The following LRRC75A variants were observed in gnomAD, a reference collection of about 807,000 sequenced individuals.
The protein encoded by LRRC75A is leucine-rich repeat-containing protein 75A.
Under a neutral mutation model 26.0 loss-of-function variants are expected in LRRC75A, and 12 were observed. The ratio of observed to expected loss-of-function variants is 0.46; its 90% CI spans 0.30 to 0.75. LRRC75A has a LOEUF of 0.75. Among genes scored for constraint, LRRC75A ranks in the 30% least tolerant of loss-of-function variants. The pLI is 0.08. For synonymous variants in LRRC75A, 223 were observed against 219.3 expected (o/e 1.02, Z -0.15); for missense variants, 410 against 486.6 (o/e 0.84, Z 1.48).
In LRRC75A at chr17:16,443,833, T is replaced by G. The variant is rs768665612; in HGVS notation, c.790A>C (p.Thr264Pro). Residue 264 changes from threonine (T) to proline (P), a missense_variant, in exon 4 of 4, where the codon ACG becomes CCG. Physicochemically the swap from Thr to Pro is conservative, Grantham distance 38. Coordinates refer to ENST00000470794, the MANE Select transcript of LRRC75A (RefSeq NM_001113567.3). ...LKDPSKFPNV[T>P]WIDLGNNVDI... ...ACGTTGTTGCCCAGGTCAATCCACG[T>G]GACATTGGGGAACTTGCTGGGATCC... 2.5e-6 allele frequency: 4 copies of G among 1,614,016 alleles called. No homozygotes were observed. Among genetic ancestry groups the G allele is most frequent in the Non-Finnish European group, 3.4e-6 (4 of 1,179,878 alleles).
At chr17:16,477,274 T>A (rs2143387055) in intron 1 of LRRC75A, among the ~76,000 whole-genome samples, 1 of 152,380 alleles carries the variant, frequency 6.6e-6, no homozygotes, top group African/African-American at 2.4e-5. Context: ...CTAGCTAGGC[T>A]GACACATAAA....
intron 2 of LRRC75A, among the ~76,000 whole-genome samples, chr17:16,449,001 A>G (rs923540971): frequency 2.0e-5 from 3 of 152,224 alleles, no homozygotes; most frequent in Non-Finnish European, 2.9e-5. Context: ...CCCGGAGCCA[A>G]ACTCGTGCTG....
intron 1 of LRRC75A, among the ~76,000 whole-genome samples, chr17:16,489,911 C>G (rs1293830223): frequency 6.6e-6 from 1 of 151,812 alleles, no homozygotes; most frequent in Non-Finnish European, 1.5e-5. Context: ...AGGCGGGTAC[C>G]AGGACACCAA....
intron 2 of LRRC75A, among the ~76,000 whole-genome samples, chr17:16,456,192 A>AGT (rs1568960666): frequency 1.0e-5 from 1 of 96,714 alleles, no homozygotes; most frequent in Non-Finnish European, 2.0e-5. Flanking sequence ...GAAGAGGAGG[A>AGT]AGGAGGAGGA....
chr17:16,469,210 A>T (rs1176153611), intron 1 of LRRC75A, among the ~76,000 whole-genome samples: 3 of 152,030 alleles, frequency 2.0e-5, no homozygotes, highest in African/African-American at 7.2e-5. Context: ...ATCCAGCATC[A>T]CCGCTCTCAC....
intron 2 of LRRC75A, chr17:16,448,191 A>C: frequency 3.8e-5 from 19 of 499,692 alleles, no homozygotes; most frequent in East Asian, 7.7e-5. Flanking sequence ...AAACAGATTT[A>C]TGTAAGTCTG....
Position 16,443,082 on chromosome 17 carries a change from C to A in LRRC75A, c.*506G>T, listed in dbSNP as rs1210065297. On this transcript the variant is annotated 3_prime_UTR_variant, in exon 4 of 4. Coordinates refer to ENST00000470794, the MANE Select transcript of LRRC75A (RefSeq NM_001113567.3). ...CAGTCCACCCCTAGCATAGATGGAACTGGGGTCTCGGGCAACCAGGAGTTA... is the reference window on the plus strand; with the variant it reads ...CAGTCCACCCCTAGCATAGATGGAAATGGGGTCTCGGGCAACCAGGAGTTA... 6.5e-6 allele frequency: 1 copy of A among 154,660 alleles called. No individual in the cohort carries two copies. Among genetic ancestry groups the A allele is most frequent in the African/African-American group, 2.4e-5 (1 of 41,610 alleles). The allele number at this position is 154,660 out of a possible 1,614,324, so 9.6% of individuals were successfully genotyped here. A position where few individuals can be genotyped will look rare whatever the true frequency, so the allele number is the denominator to read the frequency against.
rs1458834805 is a variant in LRRC75A, at chr17:16,480,639, AAAAC to A, written c.246+11102_246+11105del. On this transcript the variant is annotated intron_variant, in intron 1 of 3. Coordinates refer to ENST00000470794, the MANE Select transcript of LRRC75A (RefSeq NM_001113567.3). Reference sequence around the variant, plus strand: ...AGCGAGACTTCGTCTCAAAAAAAAAAAAACAAAAAAAAAAAACTGGAGACCACTG... The same window carrying A: ...AGCGAGACTTCGTCTCAAAAAAAAAAAAAAAAAAAAAACTGGAGACCACTG... Among the ~76,000 whole-genome samples the A allele has an allele frequency of 2.0e-3, 295 of 151,238 alleles. 4 individuals carry two copies. The highest frequency in any genetic ancestry group is 6.7e-3 in the African/African-American group (276 of 40,966).
chr17:16,480,649 A>AC (rs1369352731), intron 1 of LRRC75A, among the ~76,000 whole-genome samples: 1 of 151,614 alleles, frequency 6.6e-6, no homozygotes, highest in Non-Finnish European at 1.5e-5. Flanking sequence ...AAAACAAAAA[A>AC]AAAAAACTGG....
chr17:16,466,817 A>C (rs1051787692), intron 1 of LRRC75A, among the ~76,000 whole-genome samples: 8 of 152,140 alleles, frequency 5.3e-5, no homozygotes, highest in African/African-American at 1.9e-4. Context: ...TGTTTCCAAA[A>C]AGTGAGTAGA....
In LRRC75A at chr17:16,491,924, GGGGGCCCGGCGCGGCGCC is replaced by G; in HGVS notation, c.49_66del (p.Gly17_Pro22del). On this transcript the variant is annotated inframe_deletion, in exon 1 of 4. Coordinates refer to ENST00000470794, the MANE Select transcript of LRRC75A (RefSeq NM_001113567.3). The surrounding 1 kb of genome is among the most constrained non-coding windows in gnomAD (Gnocchi z 5.9). ...GCCCAGAAGTCCGGCCGTTCGCGTC[GGGGGCCCGGCGCGGCGCC>G]GGGGCTGGCTCTCTCCGCCAGGCTG... 8.0e-7 allele frequency: 1 copy of G among 1,253,716 alleles called. No individual in the cohort carries two copies. Among genetic ancestry groups the G allele is most frequent in the Non-Finnish European group, 1.0e-6 (1 of 1,002,258 alleles). 77.7% of individuals were successfully genotyped at this position (1,253,716 alleles called of 1,614,324 possible).
At chr17:16,487,253 C>A (rs1466070589) in intron 1 of LRRC75A, among the ~76,000 whole-genome samples, 1 of 152,138 alleles carries the variant, frequency 6.6e-6, no homozygotes, top group African/African-American at 2.4e-5. Flanking sequence ...GCGTAGGGCC[C>A]CCCTGCTCGG....
rs1568968846 is a variant in LRRC75A at position 16,462,239 on chromosome 17, C to CGGACCACAGCCACCCTACCGGCTT, written c.370_375+18dup. On this transcript the variant is annotated intron_variant, in intron 2 of 3. Transcript: ENST00000470794. The surrounding 1 kb of genome is among the most constrained non-coding windows in gnomAD (Gnocchi z 4.6). ...CGCACACCCCGGGACCTGGCTGGCT[C>CGGACCACAGCCACCCTACCGGCTT]GGACCACAGCCACCCTACCGGCTTG... 1 of 1,613,588 alleles carries CGGACCACAGCCACCCTACCGGCTT rather than the reference C, an allele frequency of 6.2e-7. No homozygotes were observed.
chr17:16,477,920 G>C (rs1422272348), intron 1 of LRRC75A, among the ~76,000 whole-genome samples: 1 of 152,240 alleles, frequency 6.6e-6, no homozygotes, highest in Admixed American at 6.5e-5. Flanking sequence ...CACCGGGAGG[G>C]AGGAGGTAGG....
chr17:16,483,250 G>A (rs572330232), intron 1 of LRRC75A, among the ~76,000 whole-genome samples: 136 of 152,358 alleles, frequency 8.9e-4, no homozygotes, highest in African/African-American at 3.2e-3. Flanking sequence ...TGAGGGCTGG[G>A]CTTTGCTCAT....
At chr17:16,465,197 C>T (rs575426078) in intron 1 of LRRC75A, among the ~76,000 whole-genome samples, 1 of 152,306 alleles carries the variant, frequency 6.6e-6, no homozygotes, top group Admixed American at 6.5e-5. Flanking sequence ...CCCTGGGCAC[C>T]CCTCTCCTCT....
At chr17:16,465,445 G>A (rs2093760410) in intron 1 of LRRC75A, among the ~76,000 whole-genome samples, 1 of 152,252 alleles carries the variant, frequency 6.6e-6, no homozygotes. Context: ...GTCAGGGGCT[G>A]CGGTAGACGA....
intron 2 of LRRC75A, among the ~76,000 whole-genome samples, chr17:16,455,394 T>C (rs2093669033): frequency 1.3e-5 from 2 of 151,668 alleles, no homozygotes; most frequent in African/African-American, 4.9e-5. Flanking sequence ...ACAATTTTTT[T>C]TTTTAGACGG....
At chr17:16,481,896 C>T (rs2093834934) in intron 1 of LRRC75A, among the ~76,000 whole-genome samples, 1 of 152,218 alleles carries the variant, frequency 6.6e-6, no homozygotes, top group South Asian at 2.1e-4. Context: ...CCCTGATTCC[C>T]CCACCATCTA....
Sources: allele counts gnomAD v4.1 joint callset (sites outside exome capture counted in the v4.1 genomes callset), GRCh38; gene constraint gnomAD v4.1.1; non-coding constraint Gnocchi (gnomAD v3.1); transcripts MANE v1.5; gene names NCBI Gene and HGNC (gene_info 2026-07-23, HGNC 2026-07-21).